The following PRKN variants were observed in gnomAD, a reference collection of about 807,000 sequenced individuals.
PRKN encodes the protein parkin RBR E3 ubiquitin protein ligase, also known as E3 ubiquitin-protein ligase parkin.
Under a neutral mutation model 59.5 loss-of-function variants are expected in PRKN, and 56 were observed. That is an observed-to-expected ratio of 0.94 (90% CI 0.76 to 1.18). The LOEUF (loss-of-function observed/expected upper bound fraction) is 1.18. PRKN is among the 50% of genes most tolerant of loss of function. The pLI, the probability that PRKN is intolerant of heterozygous loss-of-function variation, is 0.00. For missense variants in PRKN, 657 were observed against 596.4 expected (o/e 1.10, Z -1.06); for synonymous variants, 250 against 222.1 (o/e 1.13, Z -1.12).
intron 4 of PRKN, among the ~76,000 whole-genome samples, chr6:162,054,749 T>C (rs1384669943): frequency 6.6e-6 from 1 of 152,246 alleles, no homozygotes; most frequent in Non-Finnish European, 1.5e-5. Context: ...ACACTTCTTT[T>C]AAATTAGAGA....
chr6:162,157,901 A>G (rs1195794678), intron 4 of PRKN, among the ~76,000 whole-genome samples: 1 of 151,884 alleles, frequency 6.6e-6, no homozygotes, highest in African/African-American at 2.4e-5. Context: ...TAATAATAAT[A>G]CTTTCAGTCC....
intron 2 of PRKN, among the ~76,000 whole-genome samples, chr6:162,353,300 C>T (rs937215820): frequency 1.3e-5 from 2 of 151,676 alleles, no homozygotes; most frequent in African/African-American, 4.8e-5. Context: ...TAAGCAATAA[C>T]CAAATCTAAT....
intron 1 of PRKN, among the ~76,000 whole-genome samples, chr6:162,648,656 A>T (rs1778292966): frequency 6.6e-6 from 1 of 152,198 alleles, no homozygotes; most frequent in Admixed American, 6.5e-5. Flanking sequence ...TGCTGGGATT[A>T]CAGGCGTGAG....
chr6:162,625,758 T>C (rs573010547), intron 1 of PRKN, among the ~76,000 whole-genome samples: 8 of 152,244 alleles, frequency 5.3e-5, no homozygotes, highest in African/African-American at 1.7e-4. Flanking sequence ...CTAAAACTTA[T>C]ATAAAATTTA....
chr6:161,632,675 G>T (rs890159636), intron 7 of PRKN, among the ~76,000 whole-genome samples: 2 of 152,196 alleles, frequency 1.3e-5, no homozygotes, highest in African/African-American at 4.8e-5. Context: ...ATAAAGGAAA[G>T]AGATTTAATT....
intron 7 of PRKN, among the ~76,000 whole-genome samples, chr6:161,640,113 C>G (rs1488736773): frequency 6.6e-6 from 1 of 152,178 alleles, no homozygotes; most frequent in Admixed American, 6.5e-5. Flanking sequence ...TTCTTTCACA[C>G]TTTTTGTTTA....
chr6:162,643,054 C>T (rs1376624128), intron 1 of PRKN, among the ~76,000 whole-genome samples: 2 of 151,962 alleles, frequency 1.3e-5, no homozygotes, highest in African/African-American at 4.8e-5. Context: ...GACACAATAA[C>T]TAATCAGAAA....
chr6:162,537,455 G>A (rs1583753643), intron 1 of PRKN, among the ~76,000 whole-genome samples: 1 of 152,078 alleles, frequency 6.6e-6, no homozygotes, highest in East Asian at 1.9e-4. Context: ...CTGTCACCTG[G>A]CATAATGGTC....
rs1044265123 is a variant in PRKN, at chr6:162,464,697, C to T, written c.8-21224G>A. 1.1e-4 allele frequency among the ~76,000 whole-genome samples: 16 copies of T among 148,914 alleles called. No homozygotes were observed. The East Asian group carries it at 1.2e-3, about 11-fold the overall frequency. On this transcript the variant is annotated intron_variant, in intron 1 of 11. Coordinates refer to ENST00000366898, the MANE Select transcript of PRKN (RefSeq NM_004562.3). ...AAAAAAAATTAGCCAGGCGTGGTGG[C>T]GGGCGCCTGTAGTCCCAGCTATTCA... is the stretch of plus-strand genomic sequence containing the variant.
Position 162,154,988 on chromosome 6 carries a change from A to C in PRKN, c.534+46143T>G, listed in dbSNP as rs76688786. Among the ~76,000 whole-genome samples, 1,333 of 151,710 alleles carry C rather than the reference A, an allele frequency of 8.8e-3. 21 individuals are homozygous for C. The highest frequency in any genetic ancestry group is 0.03 in the African/African-American group (1,256 of 41,400). On this transcript the variant is annotated intron_variant, in intron 4 of 11. Coordinates refer to ENST00000366898, the MANE Select transcript of PRKN (RefSeq NM_004562.3). ...GTGATGCAAAAAAAAAAACAAAAAA[A>C]TTCAAAAAAAGCACAAAAAGGACTC... is the stretch of plus-strand genomic sequence containing the variant.
At chr6:162,287,197 C>T (rs754168135) in intron 2 of PRKN, among the ~76,000 whole-genome samples, 5 of 152,262 alleles carry the variant, frequency 3.3e-5, no homozygotes, top group Non-Finnish European at 7.4e-5. Flanking sequence ...GATAGACAAG[C>T]TCATGAATTT....
chr6:161,400,691 C>T lies in PRKN; in HGVS notation c.1084-13814G>A, dbSNP rs1008423588. On this transcript the variant is annotated intron_variant, in intron 9 of 11. Transcript: ENST00000366898. This position sits in a 1 kb window ranked among gnomAD's most constrained non-coding sequence, Gnocchi z 4.2. ...TAAAGGATGCTGTGTTTATTTTCAGCCTTTGGACGACCCATATGAGTTTCA... is the reference window on the plus strand; with the variant it reads ...TAAAGGATGCTGTGTTTATTTTCAGTCTTTGGACGACCCATATGAGTTTCA... Among the ~76,000 whole-genome samples, 1 of 151,734 alleles carries T rather than the reference C, an allele frequency of 6.6e-6. No individual in the cohort carries two copies. Among genetic ancestry groups the T allele is most frequent in the African/African-American group, 2.4e-5 (1 of 41,266 alleles).
intron 7 of PRKN, among the ~76,000 whole-genome samples, chr6:161,709,196 G>A (rs560431294): frequency 5.3e-5 from 8 of 152,260 alleles, no homozygotes; most frequent in African/African-American, 1.7e-4. Flanking sequence ...ATACTCTTGG[G>A]AAAGGAGATC....
chr6:162,466,543 C>T (rs368048860), intron 1 of PRKN, among the ~76,000 whole-genome samples: 5 of 152,092 alleles, frequency 3.3e-5, no homozygotes, highest in African/African-American at 1.2e-4. Flanking sequence ...GGACAATAGG[C>T]ATGTGCCACT....
intron 6 of PRKN, 73 bp downstream of exon 6, chr6:161,973,229 G>C (rs1368950719): frequency 1.3e-5 from 12 of 942,948 alleles, no homozygotes; most frequent in Middle Eastern, 2.1e-4. Flanking sequence ...AAGTAAGGAG[G>C]GGGGAGTGAT....
chr6:162,187,570 C>T (rs921376658), intron 4 of PRKN, among the ~76,000 whole-genome samples: 1 of 152,046 alleles, frequency 6.6e-6, no homozygotes, highest in Admixed American at 6.6e-5. Flanking sequence ...TAATGCAGGC[C>T]CAGCAGGAGT....
At position 161,689,898 on chromosome 6, in the gene PRKN, T is replaced by G. The variant is rs570480605; in HGVS notation, c.871+95874A>C. On this transcript the variant is annotated intron_variant, in intron 7 of 11. Transcript: ENST00000366898. ...GCTAATTTTGTATTTTTAGTAGAGA[T>G]GGGATTTCACCATGTTGGCCAGGCT... is the stretch of plus-strand genomic sequence containing the variant. 1.4e-3 allele frequency among the ~76,000 whole-genome samples: 186 copies of G among 128,490 alleles called. 2 individuals carry two copies. The highest frequency in any genetic ancestry group is 4.5e-3 in the African/African-American group (171 of 38,096). The allele number at this position is 128,490 out of a possible 152,430, so 84.3% of individuals were successfully genotyped here.
intron 6 of PRKN, among the ~76,000 whole-genome samples, chr6:161,812,158 G>A (rs1290647713): frequency 2.0e-5 from 3 of 152,154 alleles, no homozygotes; most frequent in Non-Finnish European, 4.4e-5. Flanking sequence ...AAGCTGAGAC[G>A]GGAGGACTGC....
chr6:161,588,114 G>A lies in PRKN; in HGVS notation c.872-18698C>T, dbSNP rs1350268494. Among the ~76,000 whole-genome samples the A allele has an allele frequency of 2.0e-5, 3 of 152,072 alleles. No individual in the cohort carries two copies. Among genetic ancestry groups the A allele is most frequent in the African/African-American group, 4.8e-5 (2 of 41,418 alleles). On this transcript the variant is annotated intron_variant, in intron 7 of 11. Transcript: ENST00000366898. The surrounding 1 kb of genome is among the most constrained non-coding windows in gnomAD (Gnocchi z 5.0). ...ATTTACTCTATGGGGGGCTGGGCGCGGTGGCTCATGCCTGTAATCCCAGCA... is the reference window on the plus strand; with the variant it reads ...ATTTACTCTATGGGGGGCTGGGCGCAGTGGCTCATGCCTGTAATCCCAGCA...
Sources: allele counts gnomAD v4.1 joint callset (sites outside exome capture counted in the v4.1 genomes callset), GRCh38; gene constraint gnomAD v4.1.1; non-coding constraint Gnocchi (gnomAD v3.1); transcripts MANE v1.5; gene names NCBI Gene and HGNC (gene_info 2026-07-23, HGNC 2026-07-21).